The following NKAIN2 variants were observed in gnomAD, a reference collection of about 807,000 sequenced individuals.
The protein encoded by NKAIN2 is sodium/potassium transporting ATPase interacting 2.
In NKAIN2, 14 loss-of-function variants were observed where a neutral mutation model predicts 32.6. The ratio of observed to expected loss-of-function variants is 0.43; its 90% confidence interval spans 0.28 to 0.67. NKAIN2 has a LOEUF of 0.67. Among genes scored for constraint, NKAIN2 ranks in the 30% least tolerant of loss-of-function variants. The probability of loss-of-function intolerance (pLI) is 0.17; values close to 1 mark genes in which losing one functional copy is unlikely to be tolerated. For missense variants in NKAIN2, 198 were observed against 258.3 expected (o/e 0.77, Z 1.60); for synonymous variants, 80 against 87.2 (o/e 0.92, Z 0.46).
chr6:124,582,793 C>G (rs1781570426), intron 3 of NKAIN2, among the ~76,000 whole-genome samples: 1 of 152,036 alleles, frequency 6.6e-6, no homozygotes, highest in Non-Finnish European at 1.5e-5. Flanking sequence ...GGGATTTATC[C>G]CAGGGATGCA....
chr6:124,453,185 A>T (rs147348123), intron 3 of NKAIN2, among the ~76,000 whole-genome samples: 1 of 152,030 alleles, frequency 6.6e-6, no homozygotes, highest in Non-Finnish European at 1.5e-5. Flanking sequence ...ATAGCTAACA[A>T]TACCATATTT....
At chr6:123,812,578 T>G (rs1320325071) in intron 1 of NKAIN2, among the ~76,000 whole-genome samples, 1 of 152,166 alleles carries the variant, frequency 6.6e-6, no homozygotes, top group Non-Finnish European at 1.5e-5. Context: ...TGCAGTAGTT[T>G]TGGAACTTCT....
chr6:124,150,605 G>A (rs1229083369), intron 1 of NKAIN2, among the ~76,000 whole-genome samples: 1 of 151,988 alleles, frequency 6.6e-6, no homozygotes, highest in Non-Finnish European at 1.5e-5. Context: ...TAATATTTAG[G>A]TTAATTATGA....
chr6:124,301,745 C>G (rs1796301212), intron 2 of NKAIN2, among the ~76,000 whole-genome samples: 1 of 152,084 alleles, frequency 6.6e-6, no homozygotes, highest in African/African-American at 2.4e-5. Context: ...CCTGTAGCCC[C>G]TTCATTTTGG....
chr6:124,555,336 C>CCTGA (rs3053607), intron 3 of NKAIN2, among the ~76,000 whole-genome samples: 109,487 of 151,424 alleles, frequency 0.72, 39,680 homozygotes, highest in East Asian at 0.78. Context: ...ATGACAGCCT[C>CCTGA]CTGACTGTGT....
chr6:124,026,843 G>A (rs1781135089), intron 1 of NKAIN2, among the ~76,000 whole-genome samples: 2 of 152,084 alleles, frequency 1.3e-5, no homozygotes, highest in African/African-American at 4.8e-5. Flanking sequence ...AGCTCTTTGA[G>A]TGTCTACACT....
chr6:123,965,099 C>A (rs1200567290), intron 1 of NKAIN2, among the ~76,000 whole-genome samples: 2 of 152,126 alleles, frequency 1.3e-5, no homozygotes, highest in Non-Finnish European at 2.9e-5. Context: ...GTCTTCATAG[C>A]ATGAGTGCCC....
intron 1 of NKAIN2, among the ~76,000 whole-genome samples, chr6:124,209,989 C>T (rs1791087976): frequency 6.6e-6 from 1 of 151,532 alleles, no homozygotes; most frequent in South Asian, 2.1e-4. Flanking sequence ...CTTTGGTTGC[C>T]TGTGCTTTTG....
chr6:124,414,064 A>C (rs1183364590), intron 3 of NKAIN2, among the ~76,000 whole-genome samples: 2 of 151,918 alleles, frequency 1.3e-5, no homozygotes, highest in African/African-American at 4.8e-5. Flanking sequence ...ACCTCAGTAC[A>C]ATGCTGAATA....
intron 1 of NKAIN2, among the ~76,000 whole-genome samples, chr6:124,070,880 A>G (rs1476427695): frequency 1.3e-5 from 2 of 152,132 alleles, no homozygotes; most frequent in Admixed American, 1.3e-4. Flanking sequence ...TACACTAACC[A>G]AACACCATGG....
chr6:124,016,140 C>G (rs952801992), intron 1 of NKAIN2, among the ~76,000 whole-genome samples: 5 of 151,818 alleles, frequency 3.3e-5, no homozygotes, highest in African/African-American at 1.2e-4. Context: ...TAAAAAGTGC[C>G]AATACCAGAC....
At chr6:124,001,800 AATATAT>A (rs10567719) in intron 1 of NKAIN2, among the ~76,000 whole-genome samples, 1,873 of 135,072 alleles carry the variant, frequency 0.014, 28 homozygotes, top group South Asian at 0.049. Flanking sequence ...CTTAGTTCTA[AATATAT>A]ATATATATAT....
intron 1 of NKAIN2, among the ~76,000 whole-genome samples, chr6:124,077,865 G>T (rs1200672611): frequency 1.3e-5 from 2 of 152,030 alleles, no homozygotes; most frequent in Admixed American, 1.3e-4. Flanking sequence ...CTCCCAAAGT[G>T]CTGGGATTAC....
At chr6:124,658,559 C>A in intron 4 of NKAIN2, 173 bp downstream of exon 4, 1 of 1,429,458 alleles carries the variant, frequency 7.0e-7, no homozygotes, top group Non-Finnish European at 9.3e-7. Flanking sequence ...ATCCTCTGGA[C>A]TTAGTGTGCT....
At chr6:124,348,341 G>A (rs1227261367) in intron 2 of NKAIN2, among the ~76,000 whole-genome samples, 1 of 152,186 alleles carries the variant, frequency 6.6e-6, no homozygotes, top group Admixed American at 6.5e-5. Flanking sequence ...TGCGTGCTGG[G>A]AGAACCACTG....
intron 4 of NKAIN2, among the ~76,000 whole-genome samples, chr6:124,689,803 CT>C (rs1774172920): frequency 6.6e-6 from 1 of 152,052 alleles, no homozygotes; most frequent in Non-Finnish European, 1.5e-5. Context: ...ACTCTTTATT[CT>C]GTTCCATTGA....
chr6:124,414,029 T>C (rs948126919), intron 3 of NKAIN2, among the ~76,000 whole-genome samples: 2 of 152,016 alleles, frequency 1.3e-5, no homozygotes, highest in Non-Finnish European at 2.9e-5. Context: ...TTGTTTTTTT[T>C]TTTAATTACA....
rs1443969661 is a variant in NKAIN2 at position 124,030,087 on chromosome 6, AC to A, written c.54+225834del. Among the ~76,000 whole-genome samples the A allele has an allele frequency of 3.1e-4, 47 of 152,142 alleles. 1 individual carries two copies. The highest frequency in any genetic ancestry group is 1.4e-3 in the Admixed American group (21 of 15,266). ...AAAACAAAAACATAAAAACAAAAAAACAATCTAATGCCTAATGACCTGTCAC... is the reference window on the plus strand; with the variant it reads ...AAAACAAAAACATAAAAACAAAAAAAAATCTAATGCCTAATGACCTGTCAC... On this transcript the variant is annotated intron_variant, in intron 1 of 6. Coordinates refer to ENST00000368417, the MANE Select transcript of NKAIN2 (RefSeq NM_001040214.3).
intron 5 of NKAIN2, among the ~76,000 whole-genome samples, chr6:124,807,750 G>GA (rs935888040): frequency 5.3e-5 from 8 of 151,318 alleles, no homozygotes; most frequent in African/African-American, 1.7e-4. Context: ...TAGCAATAAA[G>GA]AAAAAAAGAG....
Sources: allele counts gnomAD v4.1 joint callset (sites outside exome capture counted in the v4.1 genomes callset), GRCh38; gene constraint gnomAD v4.1.1; transcripts MANE v1.5; gene names NCBI Gene and HGNC (gene_info 2026-07-23, HGNC 2026-07-21).